Variants in PI15 observed in about 807,000 individuals in gnomAD.
PI15 encodes peptidase inhibitor 15.
A neutral mutation model predicts 31.0 loss-of-function variants in PI15; 18 were observed. That is an observed-to-expected ratio of 0.58 (90% CI 0.40 to 0.86). PI15 has a LOEUF of 0.86. Among genes scored for constraint, PI15 ranks in the 40% least tolerant of loss-of-function variants. The probability of loss-of-function intolerance (pLI) is 0.00; values close to 1 mark genes in which losing one functional copy is unlikely to be tolerated. For synonymous variants in PI15, 118 were observed against 119.1 expected, an observed-to-expected ratio of 0.99 and a Z score of 0.06; for missense variants, 282 against 328.1, an observed-to-expected ratio of 0.86 and a Z score of 1.09.
chr8:74,843,863 C>T (rs1030304106), intron 2 of PI15, 118 bp from the exon 3 acceptor site: 1 of 720,258 alleles, frequency 1.4e-6, no homozygotes, highest in Non-Finnish European at 2.5e-6. Context: ...AAAACAAAAA[C>T]AAAAACAAAC....
In PI15 at chr8:74,853,547, T is replaced by C. The variant is rs1811136807; in HGVS notation, c.*4294T>C. 1 of 152,480 alleles carries C rather than the reference T, an allele frequency of 6.6e-6. No homozygotes were observed. Among genetic ancestry groups the C allele is most frequent in the Non-Finnish European group, 1.5e-5 (1 of 67,948 alleles). The allele number at this position is 152,480 out of a possible 1,614,324, so 9.4% of individuals were successfully genotyped here. On this transcript the variant is annotated 3_prime_UTR_variant, in exon 6 of 6. Transcript: ENST00000260113. ...GTCCAAAGTCAAATATCACCTAAACTGGTTAGATTACTTCTACAGCTAATA... is the reference window on the plus strand; with the variant it reads ...GTCCAAAGTCAAATATCACCTAAACCGGTTAGATTACTTCTACAGCTAATA...
intron 2 of PI15, among the ~76,000 whole-genome samples, chr8:74,832,135 T>C (rs1563565578): frequency 6.6e-6 from 1 of 152,080 alleles, no homozygotes; most frequent in African/African-American, 2.4e-5. Flanking sequence ...GTGAAATATG[T>C]AAGGTACAAA....
At chr8:74,840,815 G>A (rs1810934461) in intron 2 of PI15, among the ~76,000 whole-genome samples, 1 of 152,132 alleles carries the variant, frequency 6.6e-6, no homozygotes, top group African/African-American at 2.4e-5. Flanking sequence ...TTTCCTAAAA[G>A]CAAACACAGT....
At position 74,854,718 on chromosome 8, in the gene PI15, G is replaced by C. The variant is rs1006590923; in HGVS notation, c.*5465G>C. On this transcript the variant is annotated 3_prime_UTR_variant, in exon 6 of 6. Coordinates refer to ENST00000260113, the MANE Select transcript of PI15 (RefSeq NM_015886.5). ...CAGAATTTTGGTGCCATAATATTTT[G>C]AGAATTAGAGAAGATTGTGATGCAT... 3 of 152,040 alleles carry C rather than the reference G, an allele frequency of 2.0e-5. No individual in the cohort carries two copies. Among genetic ancestry groups the C allele is most frequent in the Non-Finnish European group, 4.4e-5 (3 of 67,982 alleles). The allele number at this position is 152,040 out of a possible 1,614,324, so 9.4% of individuals were successfully genotyped here.
At chr8:74,830,811 A>G (rs761754345) in intron 2 of PI15, among the ~76,000 whole-genome samples, 1 of 152,150 alleles carries the variant, frequency 6.6e-6, no homozygotes, top group Non-Finnish European at 1.5e-5. Context: ...TTTAATGTGT[A>G]TAATGTAAAC....
chr8:74,841,160 C>T (rs917836924), intron 2 of PI15, among the ~76,000 whole-genome samples: 5 of 152,022 alleles, frequency 3.3e-5, no homozygotes, highest in Middle Eastern at 3.4e-3. Context: ...TGTGATGTTT[C>T]GGTATACACA....
Position 74,844,053 on chromosome 8 carries a change from T to A in PI15, c.346T>A (p.Tyr116Asn). 6.2e-7 allele frequency: 1 copy of A among 1,606,328 alleles called. No individual in the cohort carries two copies. The highest frequency in any genetic ancestry group is 1.1e-5 in the South Asian group (1 of 90,908). ...ATCIWDHGPS[Y>N]LLRFLGQNLS... ...TTGCATTTGGGACCATGGACCTTCT[T>A]ACTTACTGAGATTTTTGGGCCAAAA... is the stretch of plus-strand genomic sequence containing the variant. The change falls in exon 3 of 6, where the codon TAC becomes AAC. Residue 116 changes from tyrosine to asparagine, a missense_variant. Coordinates refer to ENST00000260113, the MANE Select transcript of PI15 (RefSeq NM_015886.5).
intron 2 of PI15, among the ~76,000 whole-genome samples, chr8:74,840,249 T>C (rs1810927282): frequency 2.0e-5 from 3 of 152,182 alleles, no homozygotes; most frequent in Non-Finnish European, 4.4e-5. Flanking sequence ...TTTGAATAAC[T>C]CTCTTCCAGT....
chr8:74,828,171 G>T (rs538753279), intron 2 of PI15, among the ~76,000 whole-genome samples: 1 of 152,146 alleles, frequency 6.6e-6, no homozygotes, highest in South Asian at 2.1e-4. Flanking sequence ...AGATGATAAG[G>T]TTATGAAGAA....
At chr8:74,832,754 T>C (rs1405455187) in intron 2 of PI15, among the ~76,000 whole-genome samples, 1 of 149,558 alleles carries the variant, frequency 6.7e-6, no homozygotes, top group Non-Finnish European at 1.5e-5. Flanking sequence ...CCAGTCTATG[T>C]TATCCATAGT....
chr8:74,834,420 A>G (rs965548807), intron 2 of PI15, among the ~76,000 whole-genome samples: 1 of 152,178 alleles, frequency 6.6e-6, no homozygotes, highest in Non-Finnish European at 1.5e-5. Flanking sequence ...AAGAAAACCT[A>G]TATGTCATAG....
At chr8:74,832,945 C>T (rs545531661) in intron 2 of PI15, among the ~76,000 whole-genome samples, 1 of 152,084 alleles carries the variant, frequency 6.6e-6, no homozygotes, top group African/African-American at 2.4e-5. Context: ...AAAAGTGCAT[C>T]AAATTCACTT....
intron 5 of PI15, among the ~76,000 whole-genome samples, chr8:74,848,728 T>G (rs147022691): frequency 0.059 from 8,359 of 141,628 alleles, 269 homozygotes; most frequent in African/African-American, 0.1. Context: ...TATATATATA[T>G]ATATAGAGAG....
At position 74,854,099 on chromosome 8, in the gene PI15, G is replaced by A. The variant is rs1811146090; in HGVS notation, c.*4846G>A. On this transcript the variant is annotated 3_prime_UTR_variant, in exon 6 of 6. Coordinates refer to ENST00000260113, the MANE Select transcript of PI15 (RefSeq NM_015886.5). ...TATTTGGTCATATTATTGAACTAAT[G>A]TATTATTCCATTCAAAGTCTTTCTA... is the stretch of plus-strand genomic sequence containing the variant. The A allele has an allele frequency of 6.6e-6, 1 of 151,924 alleles. No homozygotes were observed. Among genetic ancestry groups the A allele is most frequent in the African/African-American group, 2.4e-5 (1 of 41,402 alleles). 9.4% of individuals were successfully genotyped at this position (151,924 alleles called of 1,614,324 possible).
intron 2 of PI15, among the ~76,000 whole-genome samples, chr8:74,841,021 C>T (rs1231840674): frequency 6.6e-6 from 1 of 151,696 alleles, no homozygotes; most frequent in Admixed American, 6.6e-5. Context: ...TTTGACATAC[C>T]CAATATTTAG....
intron 2 of PI15, among the ~76,000 whole-genome samples, chr8:74,831,256 G>A (rs974741857): frequency 6.6e-6 from 1 of 152,160 alleles, no homozygotes; most frequent in Non-Finnish European, 1.5e-5. Flanking sequence ...TCACAGGTAG[G>A]CCACATAGGT....
At chr8:74,843,897 G>A (rs1810981965) in intron 2 of PI15, 84 bp from the exon 3 acceptor site, 1 of 783,018 alleles carries the variant, frequency 1.3e-6, no homozygotes, top group African/African-American at 1.7e-5. Context: ...ATAACTCTAG[G>A]AAATAGTAGC....
chr8:74,839,852 A>T (rs549647016), intron 2 of PI15, among the ~76,000 whole-genome samples: 1 of 152,044 alleles, frequency 6.6e-6, no homozygotes, highest in African/African-American at 2.4e-5. Flanking sequence ...TGCTACAAAC[A>T]CTCAGAGAAA....
intron 2 of PI15, among the ~76,000 whole-genome samples, chr8:74,835,096 G>A (rs1450700579): frequency 6.6e-6 from 1 of 152,066 alleles, no homozygotes; most frequent in East Asian, 1.9e-4. Flanking sequence ...AGGCCTCTCA[G>A]TTGAATTTTA....
Sources: allele counts gnomAD v4.1 joint callset (sites outside exome capture counted in the v4.1 genomes callset), GRCh38; gene constraint gnomAD v4.1.1; transcripts MANE v1.5; gene names NCBI Gene and HGNC (gene_info 2026-07-23, HGNC 2026-07-21).